DOCK9: variants seen among roughly 807,000 people sequenced by gnomAD.
DOCK9 encodes dedicator of cytokinesis protein 9.
A neutral mutation model predicts 263.3 loss-of-function variants in DOCK9; 89 were observed. That is an observed-to-expected ratio of 0.34 (90% CI 0.28 to 0.40). DOCK9 has a LOEUF of 0.40. Among genes scored for constraint, DOCK9 ranks in the 10% least tolerant of loss-of-function variants. The pLI is 1.00. For missense variants in DOCK9, 2,140 were observed against 2,603.4 expected, an observed-to-expected ratio of 0.82 and a Z score of 3.87; for synonymous variants, 976 against 973.1, an observed-to-expected ratio of 1.00 and a Z score of -0.06.
Position 98,892,634 on chromosome 13 carries a change from C to G in DOCK9, c.1710-3923G>C, listed in dbSNP as rs1595046115. Among the ~76,000 whole-genome samples the G allele has an allele frequency of 2.0e-5, 3 of 152,154 alleles. No homozygotes were observed. In the East Asian group the frequency reaches 5.8e-4, roughly 29 times the overall value. On this transcript the variant is annotated intron_variant, in intron 15 of 52. Transcript: ENST00000682017. ...TAGGATATGCTGCAATGTATGTACT[C>G]AGGACCATGGAGGAATGCAAACAAG...
At chr13:99,014,273 C>T (rs2052783817) in intron 1 of DOCK9, among the ~76,000 whole-genome samples, 1 of 152,228 alleles carries the variant, frequency 6.6e-6, no homozygotes, top group Non-Finnish European at 1.5e-5. Flanking sequence ...CAGAGCGCTA[C>T]AAGGAGCTAG....
At chr13:98,868,800 T>C (rs1482867961) in intron 27 of DOCK9, among the ~76,000 whole-genome samples, 2 of 152,102 alleles carry the variant, frequency 1.3e-5, no homozygotes, top group African/African-American at 4.8e-5. Flanking sequence ...TTATCTGAAA[T>C]TGGAAAAAAT....
At chr13:99,080,105 G>A (rs1326224846) in intron 1 of DOCK9, among the ~76,000 whole-genome samples, 3 of 152,152 alleles carry the variant, frequency 2.0e-5, no homozygotes, top group Non-Finnish European at 4.4e-5. Context: ...CATGTTTTAT[G>A]TGGTTTCTTT....
Position 98,797,190 on chromosome 13 carries a change from C to G in DOCK9, c.6081G>C (p.Gln2027His), listed in dbSNP as rs1266195233. Residue 2027 changes from glutamine (Q) to histidine (H), a missense_variant, in exon 52 of 53, where the codon CAG becomes CAC. Coordinates refer to ENST00000682017, the MANE Select transcript of DOCK9 (RefSeq NM_001366683.2). ...AVNERLIKED[Q>H]LEYQEEMKAN... ...CTTTCATTTCTTCCTGATACTCGAGCTGGTCTTCTTTAATCAGACGTTCGT... is the reference window on the plus strand; with the variant it reads ...CTTTCATTTCTTCCTGATACTCGAGGTGGTCTTCTTTAATCAGACGTTCGT... 1 of 1,613,958 alleles carries G rather than the reference C, an allele frequency of 6.2e-7. No homozygotes were observed. Among genetic ancestry groups the G allele is most frequent in the Admixed American group, 1.7e-5 (1 of 60,020 alleles).
At chr13:98,908,830 C>T (rs1294349843) in intron 9 of DOCK9, among the ~76,000 whole-genome samples, 8 of 152,082 alleles carry the variant, frequency 5.3e-5, no homozygotes, top group African/African-American at 9.7e-5. Flanking sequence ...TTACTTATTG[C>T]GGCAAGCACG....
At chr13:99,027,045 A>C (rs952178938) in intron 1 of DOCK9, among the ~76,000 whole-genome samples, 1 of 152,040 alleles carries the variant, frequency 6.6e-6, no homozygotes, top group Admixed American at 6.6e-5. Flanking sequence ...GTTGAGACGG[A>C]GTATCACTCT....
intron 4 of DOCK9, 26 bp from the exon 5 acceptor site, chr13:98,923,397 T>C: frequency 6.3e-7 from 1 of 1,594,530 alleles, no homozygotes; most frequent in Non-Finnish European, 8.6e-7. Context: ...AGAAAATTTG[T>C]TTTAGAAATG....
chr13:99,067,197 G>T (rs958338550), intron 1 of DOCK9, among the ~76,000 whole-genome samples: 6 of 152,158 alleles, frequency 3.9e-5, no homozygotes, highest in African/African-American at 1.4e-4. Flanking sequence ...GCTCCTTGAG[G>T]ACAAGGATAG....
At position 98,829,228 on chromosome 13, in the gene DOCK9, C is replaced by G; in HGVS notation, c.4965+79G>C. On this transcript the variant is annotated intron_variant, in intron 43 of 52. Coordinates refer to ENST00000682017, the MANE Select transcript of DOCK9 (RefSeq NM_001366683.2). The surrounding 1 kb of genome is among the most constrained non-coding windows in gnomAD (Gnocchi z 4.1). ...GTTTTTGATTAATGGAATAACTTTTCTCAAAACTGGCTTTTTAAGTGAATG... is the reference window on the plus strand; with the variant it reads ...GTTTTTGATTAATGGAATAACTTTTGTCAAAACTGGCTTTTTAAGTGAATG... 5.2e-6 allele frequency: 7 copies of G among 1,341,096 alleles called. No individual in the cohort carries two copies. The highest frequency in any genetic ancestry group is 7.1e-6 in the Non-Finnish European group (7 of 982,304). The allele number at this position is 1,341,096 out of a possible 1,614,324, so 83.1% of individuals were successfully genotyped here.
In DOCK9 at chr13:98,863,392, A is replaced by G. The variant is rs779429060; in HGVS notation, c.3443T>C (p.Phe1148Ser). Residue 1148 changes from phenylalanine (F) to serine (S), a missense_variant, in exon 31 of 53, where the codon TTT (phenylalanine) becomes TCT (serine). By Grantham distance (155) the Phe-to-Ser change is radical. Coordinates refer to ENST00000682017, the MANE Select transcript of DOCK9 (RefSeq NM_001366683.2). Reference protein sequence around the residue: ...VLKNLLIKHSFDDRYASRSHQ... With the variant: ...VLKNLLIKHSSDDRYASRSHQ... ...CACCCTTGAAGCATATCTGTCATCA[A>G]AAGAATGCTTTATCAGCAGGTTCTT... 17 of 1,613,816 alleles carry G rather than the reference A, an allele frequency of 1.1e-5. No homozygotes were observed. Among genetic ancestry groups the G allele is most frequent in the Middle Eastern group, 1.6e-4 (1 of 6,080 alleles).
intron 50 of DOCK9, among the ~76,000 whole-genome samples, chr13:98,798,708 A>G (rs902593576): frequency 1.3e-5 from 2 of 152,252 alleles, no homozygotes; most frequent in African/African-American, 4.8e-5. Context: ...CTGCTTGATG[A>G]AACAATTACA....
chr13:98,899,007 TTTGA>T (rs2047853543), intron 13 of DOCK9, among the ~76,000 whole-genome samples: 1 of 152,178 alleles, frequency 6.6e-6, no homozygotes, highest in Non-Finnish European at 1.5e-5. Context: ...CAATGCAAAG[TTTGA>T]TTGTCTCAGA....
chr13:98,887,615 C>CAAAAAA (rs58976892), intron 18 of DOCK9, among the ~76,000 whole-genome samples: 7 of 37,218 alleles, frequency 1.9e-4, no homozygotes, highest in South Asian at 1.6e-3. Flanking sequence ...GACTCCATCT[C>CAAAAAA]AAAAAAAAAA....
At position 98,864,498 on chromosome 13, in the gene DOCK9, G is replaced by T. The variant is rs140051546; in HGVS notation, c.3287-950C>A. 3.0e-4 allele frequency among the ~76,000 whole-genome samples: 46 copies of T among 152,240 alleles called. 1 individual carries two copies. The East Asian group carries it at 7.9e-3, about 26-fold the overall frequency. On this transcript the variant is annotated intron_variant, in intron 30 of 52. Transcript: ENST00000682017. ...ACTCCTAAATCTAGCCAAAATATGGGCCCAAGTTCTATGAAACCCTTTAAT... is the reference window on the plus strand; with the variant it reads ...ACTCCTAAATCTAGCCAAAATATGGTCCCAAGTTCTATGAAACCCTTTAAT...
chr13:99,022,603 G>A (rs1320063193), intron 1 of DOCK9, among the ~76,000 whole-genome samples: 1 of 152,146 alleles, frequency 6.6e-6, no homozygotes, highest in Non-Finnish European at 1.5e-5. Flanking sequence ...CAAAAGAAAT[G>A]AGAGAATCTT....
intron 49 of DOCK9, among the ~76,000 whole-genome samples, chr13:98,802,045 T>TA (rs1311084910): frequency 6.6e-6 from 1 of 152,210 alleles, no homozygotes; most frequent in Non-Finnish European, 1.5e-5. Flanking sequence ...CGCTGCTCCC[T>TA]AGTCAGGGAG....
At chr13:98,972,974 C>T (rs1252112678) in intron 1 of DOCK9, among the ~76,000 whole-genome samples, 1 of 152,078 alleles carries the variant, frequency 6.6e-6, no homozygotes, top group Non-Finnish European at 1.5e-5. Flanking sequence ...AATGAATAAA[C>T]AAATGAAACA....
At chr13:99,014,774 C>T (rs1595909748) in intron 1 of DOCK9, among the ~76,000 whole-genome samples, 2 of 152,168 alleles carry the variant, frequency 1.3e-5, no homozygotes, top group South Asian at 4.1e-4. Flanking sequence ...TCCTCACAAA[C>T]CTGGTGCTGG....
intron 1 of DOCK9, among the ~76,000 whole-genome samples, chr13:99,006,054 T>C (rs1272076073): frequency 6.6e-6 from 1 of 152,258 alleles, no homozygotes; most frequent in Non-Finnish European, 1.5e-5. Context: ...AAGATGGTTA[T>C]GTATACCATT....
Sources: allele counts gnomAD v4.1 joint callset (sites outside exome capture counted in the v4.1 genomes callset), GRCh38; gene constraint gnomAD v4.1.1; non-coding constraint Gnocchi (gnomAD v3.1); transcripts MANE v1.5; gene names NCBI Gene and HGNC (gene_info 2026-07-23, HGNC 2026-07-21).